The following TNK1 variants were observed in gnomAD, a reference collection of about 807,000 sequenced individuals.
TNK1 encodes non-receptor tyrosine-protein kinase TNK1.
Under a neutral mutation model 65.2 loss-of-function variants are expected in TNK1, and 53 were observed. That is an observed-to-expected ratio of 0.81 (90% CI 0.65 to 1.02). The LOEUF is 1.02. TNK1 is among the 50% of genes least tolerant of loss of function. The pLI is 0.00. For missense variants in TNK1, 837 were observed against 878.4 expected, an observed-to-expected ratio of 0.95 and a Z score of 0.60; for synonymous variants, 353 against 364.6, an observed-to-expected ratio of 0.97 and a Z score of 0.36.
chr17:7,388,436 C>A lies in TNK1; in HGVS notation c.1508C>A (p.Ser503Tyr), dbSNP rs751223940. Residue 503 changes from serine (S) to tyrosine (Y), a missense_variant, in exon 11 of 13, where the codon TCC becomes TAC. Transcript: ENST00000688331. This position sits in a 1 kb window ranked among gnomAD's most constrained non-coding sequence, Gnocchi z 4.5. ...TCCAGGAGTCTGGAGTCAGTTCTGT[C>A]CCTCGGTCCTCGTCCCACAGGGGGT... The part of the protein sequence containing the change: ...GISRSLESVL[S>Y]LGPRPTGGGS... 4 of 1,613,126 alleles carry A rather than the reference C, an allele frequency of 2.5e-6. No individual in the cohort carries two copies. The East Asian group carries it at 8.9e-5, about 36-fold the overall frequency.
In TNK1 at chr17:7,384,471, C is replaced by T. The variant is rs775468768; in HGVS notation, c.867-13C>T. 2.6e-6 allele frequency: 4 copies of T among 1,521,768 alleles called. No homozygotes were observed. The highest frequency in any genetic ancestry group is 3.5e-6 in the Non-Finnish European group (4 of 1,129,620). 94.3% of individuals were successfully genotyped at this position (1,521,768 alleles called of 1,614,324 possible). On this transcript the variant is annotated splice_polypyrimidine_tract_variant and intron_variant, in intron 6 of 12. Coordinates refer to ENST00000688331, the MANE Select transcript of TNK1 (RefSeq NM_003985.6). ...ACGTGTCCCGCCCCTTTCAGCTCCA[C>T]TTCCTTCGGCAGGTGTGCCCCAGAG...
Position 7,383,963 on chromosome 17 carries a change from C to T in TNK1, c.583-7C>T, listed in dbSNP as rs1206219967. 1.3e-6 allele frequency: 2 copies of T among 1,510,046 alleles called. No individual in the cohort carries two copies. Among genetic ancestry groups the T allele is most frequent in the Non-Finnish European group, 1.8e-6 (2 of 1,129,498 alleles). The allele number at this position is 1,510,046 out of a possible 1,614,324, so 93.5% of individuals were successfully genotyped here. ...CGGCTCACGCGGCGCGGTGTTCCCTCCTGCAGGTGATGGAGCTGGCGCCAC... is the reference window on the plus strand; with the variant it reads ...CGGCTCACGCGGCGCGGTGTTCCCTTCTGCAGGTGATGGAGCTGGCGCCAC... On this transcript the variant is annotated splice_region_variant and splice_polypyrimidine_tract_variant and intron_variant, in intron 5 of 12. Coordinates refer to ENST00000688331, the MANE Select transcript of TNK1 (RefSeq NM_003985.6).
rs1035170372 is a variant in TNK1, at chr17:7,384,898, T to C, written c.1137+144T>C. The C allele has an allele frequency of 4.4e-6, 5 of 1,147,588 alleles. No homozygotes were observed. In the Admixed American group the frequency reaches 1.1e-4, roughly 25 times the overall value. The allele number at this position is 1,147,588 out of a possible 1,614,324, so 71.1% of individuals were successfully genotyped here. ...GAGCAAAACAGATGCAGTCCCTACCTGCAGGGAGATCAGAGCCCTGGGGAG... is the reference window on the plus strand; with the variant it reads ...GAGCAAAACAGATGCAGTCCCTACCCGCAGGGAGATCAGAGCCCTGGGGAG... On this transcript the variant is annotated intron_variant, in intron 7 of 12. Coordinates refer to ENST00000688331, the MANE Select transcript of TNK1 (RefSeq NM_003985.6).
At position 7,386,648 on chromosome 17, in the gene TNK1, G is replaced by A. The variant is rs1318877771; in HGVS notation, c.1225G>A (p.Glu409Lys). ...METGDPITVIEGSPDSTIWKG... is the reference protein window; with the variant it reads ...METGDPITVIKGSPDSTIWKG... ...GACTGGTGACCCCATCACAGTCATCGAGGGCAGGTGACAGTCCCATACCTC... is the reference window on the plus strand; with the variant it reads ...GACTGGTGACCCCATCACAGTCATCAAGGGCAGGTGACAGTCCCATACCTC... Residue 409 changes from glutamate to lysine, a missense_variant, in exon 8 of 13, where the codon GAG becomes AAG. Transcript: ENST00000688331. The A allele has an allele frequency of 1.0e-5, 16 of 1,585,412 alleles. No individual in the cohort carries two copies. Among genetic ancestry groups the A allele is most frequent in the African/African-American group, 5.4e-5 (4 of 74,252 alleles).
intron 7 of TNK1, 70 bp downstream of exon 7, chr17:7,384,824 G>T: frequency 6.6e-7 from 1 of 1,505,678 alleles, no homozygotes; most frequent in Non-Finnish European, 8.9e-7. Context: ...GGTTCCATGC[G>T]AAGACTAACA....
upstream of TNK1, among the ~76,000 whole-genome samples, chr17:7,380,193 A>G: frequency 6.6e-6 from 1 of 152,162 alleles, no homozygotes; most frequent in East Asian, 1.9e-4. Flanking sequence ...AACATCCTAC[A>G]TGTTTACCAA....
rs760417890 is a variant in TNK1 at position 7,383,766 on chromosome 17, C to T, written c.484C>T (p.Leu162=). The part of the protein sequence containing the change: ...VGPEGPMGTE[L]GDFLREVSVM... ...TCCCGAAGGCCCGATGGGCACAGAACTGGGGGACTTCCTGCGAGAGGTATC... is the reference window on the plus strand; with the variant it reads ...TCCCGAAGGCCCGATGGGCACAGAATTGGGGGACTTCCTGCGAGAGGTATC... Residue 162 remains leucine, a synonymous_variant, in exon 5 of 13, where the codon CTG becomes TTG. Transcript: ENST00000688331. 2 of 1,612,836 alleles carry T rather than the reference C, an allele frequency of 1.2e-6. No homozygotes were observed. Among genetic ancestry groups the T allele is most frequent in the African/African-American group, 1.3e-5 (1 of 74,942 alleles).
At chr17:7,383,667 T>G in intron 4 of TNK1, 42 bp from the exon 5 acceptor site, 1 of 1,601,814 alleles carries the variant, frequency 6.2e-7, no homozygotes, top group Non-Finnish European at 8.5e-7. Context: ...CCCTCTGTTC[T>G]TCATGCCCGC....
chr17:7,385,243 TA>T (rs1905114910), intron 7 of TNK1, among the ~76,000 whole-genome samples: 1 of 151,478 alleles, frequency 6.6e-6, no homozygotes, highest in South Asian at 2.1e-4. Flanking sequence ...TGCATGCCTG[TA>T]ATCCCAGCTA....
intron 1 of TNK1, among the ~76,000 whole-genome samples, chr17:7,381,891 G>A (rs72842805): frequency 0.012 from 1,849 of 152,342 alleles, 24 homozygotes; most frequent in Non-Finnish European, 0.022. Context: ...GATGTGACAC[G>A]TATGTACAAG....
In TNK1 at chr17:7,384,695, T is replaced by C. The variant is rs749545756; in HGVS notation, c.1078T>C (p.Trp360Arg). 1.3e-6 allele frequency: 2 copies of C among 1,594,222 alleles called. No individual in the cohort carries two copies. The highest frequency in any genetic ancestry group is 1.7e-6 in the Non-Finnish European group (2 of 1,172,514). Reference protein sequence around the residue: ...RALYSLALRCWAPHPADRPSF... With the variant: ...RALYSLALRCRAPHPADRPSF... ...CCTCTACTCCCTCGCCTTGCGCTGC[T>C]GGGCCCCCCACCCTGCCGACCGGCC... The change falls in exon 7 of 13, where the codon TGG becomes CGG. Residue 360 changes from tryptophan to arginine, a missense_variant. Physicochemically the swap from Trp to Arg is moderately radical, Grantham distance 101. Transcript: ENST00000688331.
Position 7,388,498 on chromosome 17 carries a change from G to T in TNK1, c.1570G>T (p.Val524Leu), listed in dbSNP as rs771593692. ...CCCTGAAATTCGACAAGCCAGAGCT[G>T]TGCCCCAGGGACCTCCAGGCCTGCC... is the stretch of plus-strand genomic sequence containing the variant. ...SPPEIRQARA[V>L]PQGPPGLPPR... The change falls in exon 11 of 13, where the codon GTG becomes TTG. Residue 524 changes from valine to leucine, a missense_variant. Physicochemically the swap from Val to Leu is conservative, Grantham distance 32. Transcript: ENST00000688331. This position sits in a 1 kb window ranked among gnomAD's most constrained non-coding sequence, Gnocchi z 4.5. 1.2e-6 allele frequency: 2 copies of T among 1,613,974 alleles called. No homozygotes were observed. Among genetic ancestry groups the T allele is most frequent in the East Asian group, 4.5e-5 (2 of 44,872 alleles).
rs745540431 is a variant in TNK1, at chr17:7,388,854, GAT to G, written c.1844_1845del (p.Asp615GlyfsTer18). 17 of 1,604,438 alleles carry G rather than the reference GAT, an allele frequency of 1.1e-5. No individual in the cohort carries two copies. Among genetic ancestry groups the G allele is most frequent in the Middle Eastern group, 1.7e-4 (1 of 6,052 alleles). ...GACAGCACTAGGAGCCACTGGGGGA[GAT>G]GTGGTTTCTGCCATCCGGAACCTCA... ...CQTALGATGG[D>X]VVSAIRNLKV... On this transcript the variant is annotated frameshift_variant, in exon 12 of 13. Coordinates refer to ENST00000688331, the MANE Select transcript of TNK1 (RefSeq NM_003985.6). LOFTEE classifies it high-confidence loss of function. This position sits in a 1 kb window ranked among gnomAD's most constrained non-coding sequence, Gnocchi z 4.5.
intron 7 of TNK1, among the ~76,000 whole-genome samples, chr17:7,385,213 A>C (rs1567646607): frequency 6.6e-6 from 1 of 152,006 alleles, no homozygotes; most frequent in African/African-American, 2.4e-5. Context: ...AAAAAATACA[A>C]AATTAGCTGG....
chr17:7,386,284 C>A (rs2143136018), intron 7 of TNK1, among the ~76,000 whole-genome samples: 1 of 152,170 alleles, frequency 6.6e-6, no homozygotes, highest in South Asian at 2.1e-4. Context: ...CTCTGACAGG[C>A]CTGGATGTGG....
chr17:7,385,708 G>GCA (rs1905146726), intron 7 of TNK1, among the ~76,000 whole-genome samples: 3 of 152,064 alleles, frequency 2.0e-5, no homozygotes, highest in Non-Finnish European at 4.4e-5. Flanking sequence ...GGGATTACAG[G>GCA]CGCCTGCCAC....
In TNK1 at chr17:7,383,747, AG is replaced by A. The variant is rs35733610; in HGVS notation, c.467del (p.Gly156AlafsTer17). On this transcript the variant is annotated frameshift_variant, in exon 5 of 13. Coordinates refer to ENST00000688331, the MANE Select transcript of TNK1 (RefSeq NM_003985.6). LOFTEE classifies it high-confidence loss of function. ...TCAAGTCCCTCCGGGTAGGTCCCGAAGGCCCGATGGGCACAGAACTGGGGGA... is the reference window on the plus strand; with the variant it reads ...TCAAGTCCCTCCGGGTAGGTCCCGAAGCCCGATGGGCACAGAACTGGGGGA... Reference protein sequence around the residue: ...AVKSLRVGPEGPMGTELGDFL... With the variant: ...AVKSLRVGPEXPMGTELGDFL... 4 of 1,612,650 alleles carry A rather than the reference AG, an allele frequency of 2.5e-6. No homozygotes were observed. Among genetic ancestry groups the A allele is most frequent in the Middle Eastern group, 1.6e-4 (1 of 6,062 alleles).
chr17:7,384,511 A>G lies in TNK1; in HGVS notation c.894A>G (p.Gly298=). 6.3e-7 allele frequency: 1 copy of G among 1,583,756 alleles called. No individual in the cohort carries two copies. Among genetic ancestry groups the G allele is most frequent in the Non-Finnish European group, 8.6e-7 (1 of 1,160,590 alleles). Residue 298 remains glycine (G), a synonymous_variant, in exon 7 of 13, where the codon GGA becomes GGG. Coordinates refer to ENST00000688331, the MANE Select transcript of TNK1 (RefSeq NM_003985.6). ...GTGCCCCAGAGAGCCTGCGCCACGGAGCCTTCTCGTCTGCCTCGGACGTGT... is the reference window on the plus strand; with the variant it reads ...GTGCCCCAGAGAGCCTGCGCCACGGGGCCTTCTCGTCTGCCTCGGACGTGT... The part of the protein sequence containing the change: ...AWCAPESLRH[G]AFSSASDVWM...
Position 7,384,130 on chromosome 17 carries a change from C to A in TNK1, c.743C>A (p.Thr248Lys). ...ARGLVHRDLA[T>K]RNLLLASPRT... ...GGGCTGGTGCACCGAGACCTCGCTA[C>A]GCGCAACCTACTGCTGGCGTCGCCG... The change falls in exon 6 of 13, where the codon ACG becomes AAG. Residue 248 changes from threonine (T) to lysine (K), a missense_variant. Coordinates refer to ENST00000688331, the MANE Select transcript of TNK1 (RefSeq NM_003985.6). 1 of 1,548,152 alleles carries A rather than the reference C, an allele frequency of 6.5e-7. No homozygotes were observed. Among genetic ancestry groups the A allele is most frequent in the Non-Finnish European group, 8.7e-7 (1 of 1,154,628 alleles).
Sources: gnomAD v4.1 joint callset for allele counts (sites outside exome capture counted in the v4.1 genomes callset) on GRCh38, gnomAD v4.1.1 for gene constraint, Gnocchi (gnomAD v3.1) non-coding constraint, MANE v1.5 for transcripts, NCBI Gene and HGNC (gene_info 2026-07-23, HGNC 2026-07-21) for gene names.